The following PRKCB variants were observed in gnomAD, a reference collection of about 807,000 sequenced individuals.
The protein encoded by PRKCB is protein kinase C beta.
In PRKCB, 13 loss-of-function variants were observed where a neutral mutation model predicts 81.5. That is an observed-to-expected ratio of 0.16 (90% CI 0.10 to 0.25). The LOEUF (loss-of-function observed/expected upper bound fraction) is 0.25. Among genes scored for constraint, PRKCB ranks in the 10% least tolerant of loss-of-function variants. The pLI is 1.00. For missense variants in PRKCB, 509 were observed against 875.7 expected (o/e 0.58, Z 5.29); for synonymous variants, 335 against 321.4 (o/e 1.04, Z -0.45).
intron 3 of PRKCB, among the ~76,000 whole-genome samples, chr16:24,016,594 A>C (rs1013146253): frequency 6.6e-6 from 1 of 152,210 alleles, no homozygotes; most frequent in Non-Finnish European, 1.5e-5. Flanking sequence ...GTTAAAATAA[A>C]TTTGAAAAAA....
chr16:23,933,260 GGCA>G lies in PRKCB; in HGVS notation c.206-55245_206-55243del, dbSNP rs1192755868. Among the ~76,000 whole-genome samples the G allele has an allele frequency of 2.0e-5, 3 of 152,288 alleles. No homozygotes were observed. The East Asian group carries it at 5.8e-4, about 29-fold the overall frequency. On this transcript the variant is annotated intron_variant, in intron 2 of 16. Transcript: ENST00000643927. ...GTGAGGACATAATTGTTGGAGCTAT[GGCA>G]GCCACATTATGACTATGAACAGGTG...
intron 5 of PRKCB, among the ~76,000 whole-genome samples, chr16:24,060,870 G>A (rs532310760): frequency 3.3e-4 from 51 of 152,250 alleles, no homozygotes; most frequent in Non-Finnish European, 6.3e-4. Context: ...TTCCTCCCAA[G>A]GTTATTCCCT....
intron 7 of PRKCB, among the ~76,000 whole-genome samples, chr16:24,108,152 A>G (rs1966601625): frequency 6.8e-6 from 1 of 146,422 alleles, no homozygotes; most frequent in Non-Finnish European, 1.5e-5. Context: ...CTTGATTTCC[A>G]TTTGTTTATT....
intron 16 of PRKCB, among the ~76,000 whole-genome samples, chr16:24,202,180 T>C (rs1967969227): frequency 6.6e-6 from 1 of 152,224 alleles, no homozygotes; most frequent in Non-Finnish European, 1.5e-5. Flanking sequence ...CTATGTCTTT[T>C]TCATGTTAAA....
chr16:23,905,903 TCTAAGGGTTTC>T (rs144150659), intron 2 of PRKCB, among the ~76,000 whole-genome samples: 77,216 of 151,692 alleles, frequency 0.51, 20,728 homozygotes, highest in East Asian at 0.62. Context: ...CTCATACTCC[TCTAAGGGTTTC>T]CTAGCATTCC....
intron 5 of PRKCB, among the ~76,000 whole-genome samples, chr16:24,089,289 T>C (rs1447730932): frequency 6.6e-6 from 1 of 152,190 alleles, no homozygotes; most frequent in Non-Finnish European, 1.5e-5. Flanking sequence ...AGAATCTATC[T>C]GTGGGGGTGG....
chr16:24,047,909 G>A (rs745468341), intron 5 of PRKCB, among the ~76,000 whole-genome samples: 6 of 152,208 alleles, frequency 3.9e-5, no homozygotes, highest in Non-Finnish European at 7.3e-5. Context: ...AGGGAGCAGT[G>A]GGCTGGAGGC....
intron 2 of PRKCB, among the ~76,000 whole-genome samples, chr16:23,884,133 T>C (rs1216582636): frequency 1.3e-5 from 2 of 152,232 alleles, no homozygotes; most frequent in African/African-American, 4.8e-5. Context: ...GTGGTTACCA[T>C]ATTGGTAGCA....
chr16:23,896,534 GA>G (rs1963382233), intron 2 of PRKCB, among the ~76,000 whole-genome samples: 1 of 152,148 alleles, frequency 6.6e-6, no homozygotes, highest in Non-Finnish European at 1.5e-5. Context: ...GGGTCTCAAG[GA>G]GAGATTAGTG....
At chr16:24,054,301 C>A (rs1391254631) in intron 5 of PRKCB, among the ~76,000 whole-genome samples, 1 of 152,168 alleles carries the variant, frequency 6.6e-6, no homozygotes, top group Non-Finnish European at 1.5e-5. Context: ...TTTGCAACTC[C>A]ATTTCTTGCT....
At chr16:23,945,951 C>T (rs1168571979) in intron 2 of PRKCB, among the ~76,000 whole-genome samples, 2 of 152,040 alleles carry the variant, frequency 1.3e-5, no homozygotes, top group Admixed American at 6.6e-5. Context: ...TATTGGGCAA[C>T]GACTAATAGC....
intron 3 of PRKCB, among the ~76,000 whole-genome samples, chr16:24,006,335 TA>T (rs1443545108): frequency 6.6e-6 from 1 of 152,226 alleles, no homozygotes; most frequent in Non-Finnish European, 1.5e-5. Flanking sequence ...GGTGCAGTTC[TA>T]AAGGAGAAGT....
chr16:24,189,126 G>A (rs905171348), intron 15 of PRKCB, among the ~76,000 whole-genome samples: 5 of 151,424 alleles, frequency 3.3e-5, no homozygotes, highest in African/African-American at 7.3e-5. Context: ...AGAAAACCAC[G>A]TGTGAAATGC....
At chr16:24,057,348 C>A (rs1567359371) in intron 5 of PRKCB, among the ~76,000 whole-genome samples, 1 of 152,270 alleles carries the variant, frequency 6.6e-6, no homozygotes, top group East Asian at 1.9e-4. Context: ...AAAGTCCCAT[C>A]GCTAGGGAGC....
At chr16:24,007,536 G>A (rs1429471317) in intron 3 of PRKCB, among the ~76,000 whole-genome samples, 2 of 152,172 alleles carry the variant, frequency 1.3e-5, no homozygotes, top group Non-Finnish European at 2.9e-5. Flanking sequence ...GCTTGTAAAG[G>A]TCAGAATGAA....
At chr16:23,989,827 T>C (rs1050306022) in intron 3 of PRKCB, among the ~76,000 whole-genome samples, 11 of 152,194 alleles carry the variant, frequency 7.2e-5, no homozygotes, top group African/African-American at 2.4e-4. Context: ...AAATGCCTAA[T>C]ACTTGCTTTT....
At chr16:24,204,918 G>A (rs1392787594) in intron 16 of PRKCB, among the ~76,000 whole-genome samples, 3 of 151,812 alleles carry the variant, frequency 2.0e-5, no homozygotes, top group African/African-American at 7.3e-5. Flanking sequence ...TCAGGAGTTC[G>A]AGACCAGCCT....
chr16:24,126,628 G>T (rs28427377), intron 9 of PRKCB, among the ~76,000 whole-genome samples: 1 of 150,012 alleles, frequency 6.7e-6, no homozygotes, highest in African/African-American at 2.5e-5. Context: ...GTGCAATGGC[G>T]CCATCTCGGC....
intron 2 of PRKCB, among the ~76,000 whole-genome samples, chr16:23,873,189 C>CAAA: frequency 2.9e-5 from 2 of 67,910 alleles, no homozygotes; most frequent in Middle Eastern, 8.5e-3. Context: ...CACACACACA[C>CAAA]AAAAAAAAAA....
Sources: gnomAD v4.1 joint callset for allele counts (sites outside exome capture counted in the v4.1 genomes callset) on GRCh38, gnomAD v4.1.1 for gene constraint, MANE v1.5 for transcripts, NCBI Gene and HGNC (gene_info 2026-07-23, HGNC 2026-07-21) for gene names.